Variants in RPL9 observed in about 807,000 individuals in gnomAD.
The protein encoded by RPL9 is large ribosomal subunit protein uL6.
For synonymous variants in RPL9, 82 were observed against 77.1 expected (o/e 1.06, Z -0.33); for missense variants, 149 against 236.7 (o/e 0.63, Z 2.43).
At chr4:39,458,026 T>C in intron 3 of RPL9, 168 bp downstream of exon 3, 1 of 748,174 alleles carries the variant, frequency 1.3e-6, no homozygotes, top group Admixed American at 2.0e-5. Context: ...ATTGGCTGTG[T>C]TCAGAATCTG....
intron 5 of RPL9, 125 bp downstream of exon 5, chr4:39,456,281 A>G (rs764695011): frequency 1.3e-5 from 13 of 1,015,836 alleles, no homozygotes. Context: ...TTCTAAAACA[A>G]ATCTGGTTTT....
At chr4:39,458,827 A>C (rs1322251133) in intron 1 of RPL9, 64 bp downstream of exon 1, 1 of 690,528 alleles carries the variant, frequency 1.4e-6, no homozygotes. Flanking sequence ...GCCGCGCCGC[A>C]GCCTTTCCCA....
Position 39,454,846 on chromosome 4 carries a change from C to T in RPL9, c.472+18G>A, listed in dbSNP as rs201085599. On this transcript the variant is annotated intron_variant, in intron 6 of 7. Transcript: ENST00000295955. ...ACAAAATCTTGTAGGCATAGTTAGACATAGTAAACATACAAACCTGAATTT... is the reference window on the plus strand; with the variant it reads ...ACAAAATCTTGTAGGCATAGTTAGATATAGTAAACATACAAACCTGAATTT... The T allele has an allele frequency of 2.5e-6, 4 of 1,609,616 alleles. No homozygotes were observed. The highest frequency in any genetic ancestry group is 3.4e-6 in the Non-Finnish European group (4 of 1,177,040).
intron 5 of RPL9, among the ~76,000 whole-genome samples, chr4:39,455,526 C>CA (rs1303859550): frequency 1.3e-5 from 2 of 151,474 alleles, no homozygotes; most frequent in East Asian, 2.0e-4. Context: ...CCTGCCTCTA[C>CA]AAAAAACTTA....
chr4:39,458,382 C>T lies in RPL9; in HGVS notation c.46+12G>A, dbSNP rs752841497. 1.2e-6 allele frequency: 2 copies of T among 1,614,118 alleles called. No homozygotes were observed. The highest frequency in any genetic ancestry group is 2.2e-5 in the South Asian group (2 of 91,086). The stretch of plus-strand genomic sequence containing the variant: ...CAGTAAAGATGTAAGTAAAAGACAT[C>T]AAGTCTCATACCATTTTCTGGAATG... On this transcript the variant is annotated intron_variant, in intron 2 of 7. Transcript: ENST00000295955.
chr4:39,458,602 GA>G, intron 1 of RPL9, 162 bp from the exon 2 acceptor site: 1 of 699,216 alleles, frequency 1.4e-6, no homozygotes, highest in African/African-American at 1.8e-5. Flanking sequence ...TCCCAGCCTG[GA>G]AGGAGCAGCC....
intron 7 of RPL9, 138 bp from the exon 8 acceptor site, chr4:39,454,363 C>T (rs756430165): frequency 8.6e-6 from 5 of 583,998 alleles, no homozygotes; most frequent in Admixed American, 3.3e-5. Flanking sequence ...GTAAACTATA[C>T]GTAGTAAAAT....
intron 5 of RPL9, chr4:39,455,257 A>C (rs569081520): frequency 8.8e-5 from 19 of 215,842 alleles, no homozygotes; most frequent in African/African-American, 4.2e-4. Context: ...CTGAGGCAGG[A>C]GAATCGCTTG....
chr4:39,458,500 C>A, intron 1 of RPL9, 60 bp from the exon 2 acceptor site: 1 of 1,557,738 alleles, frequency 6.4e-7, no homozygotes, highest in Non-Finnish European at 8.8e-7. Context: ...CCAAACTACG[C>A]CGCACAGAGC....
chr4:39,458,851 C>A (rs1379336341), intron 1 of RPL9, 40 bp downstream of exon 1: 1 of 695,820 alleles, frequency 1.4e-6, no homozygotes, highest in East Asian at 2.7e-5. Flanking sequence ...CAGATGGTTT[C>A]AGATTCCCAG....
intron 2 of RPL9, 27 bp downstream of exon 2, chr4:39,458,367 G>A (rs191123038): frequency 1.5e-4 from 242 of 1,613,954 alleles, no homozygotes; most frequent in Non-Finnish European, 1.9e-4. Context: ...CAGTAAAGAT[G>A]TAAGTAAAAG....
Position 39,454,539 on chromosome 4 carries a change from G to T in RPL9, c.*4C>A. 6.2e-7 allele frequency: 1 copy of T among 1,604,710 alleles called. No homozygotes were observed. Among genetic ancestry groups the T allele is most frequent in the Non-Finnish European group, 8.5e-7 (1 of 1,174,324 alleles). The stretch of plus-strand genomic sequence containing the variant: ...AGACACTGTAAGAACTTACCTCTTA[G>T]ATCTTATTCATCAGCCTGCTGAACA... On this transcript the variant is annotated 3_prime_UTR_variant, in exon 7 of 8. Coordinates refer to ENST00000295955, the MANE Select transcript of RPL9 (RefSeq NM_000661.5).
At chr4:39,457,517 AC>A in intron 4 of RPL9, 68 bp downstream of exon 4, 1 of 1,259,274 alleles carries the variant, frequency 7.9e-7, no homozygotes, top group South Asian at 1.2e-5. Flanking sequence ...AGAGACACTT[AC>A]GCTGTATAAA....
At chr4:39,456,358 A>C (rs1260964339) in intron 5 of RPL9, 48 bp downstream of exon 5, 3 of 1,612,072 alleles carry the variant, frequency 1.9e-6, no homozygotes, top group East Asian at 2.2e-5. Context: ...AGGAGGAAAA[A>C]AATATGAAGG....
chr4:39,455,027 A>C, intron 5 of RPL9, 83 bp from the exon 6 acceptor site: 1 of 1,331,996 alleles, frequency 7.5e-7, no homozygotes, highest in Non-Finnish European at 1.0e-6. Flanking sequence ...TATTCCATGT[A>C]AAACTCCATG....
chr4:39,454,689 AC>A, intron 6 of RPL9, 40 bp from the exon 7 acceptor site: 1 of 1,550,202 alleles, frequency 6.5e-7, no homozygotes, highest in Non-Finnish European at 8.8e-7. Context: ...CATCAGCCTA[AC>A]CCATCTTAAA....
intron 5 of RPL9, 139 bp downstream of exon 5, chr4:39,456,267 A>C: frequency 1.1e-6 from 1 of 890,442 alleles, no homozygotes; most frequent in African/African-American, 1.7e-5. Context: ...TAATCAAGAG[A>C]TAATTCTAAA....
At chr4:39,458,817 G>A (rs1744250442) in intron 1 of RPL9, 74 bp downstream of exon 1, 10 of 688,604 alleles carry the variant, frequency 1.5e-5, no homozygotes, top group Non-Finnish European at 2.7e-5. Context: ...GAGAGTGGGA[G>A]CCGCGCCGCA....
At position 39,455,031 on chromosome 4, in the gene RPL9, C is replaced by T. The variant is rs542083274; in HGVS notation, c.392-87G>A. ...AGGCACTAATTTATTCCATGTAAAA[C>T]TCCATGCACCAAAAGAACCTTTTCT... On this transcript the variant is annotated intron_variant, in intron 5 of 7. Coordinates refer to ENST00000295955, the MANE Select transcript of RPL9 (RefSeq NM_000661.5). The T allele has an allele frequency of 4.7e-5, 60 of 1,283,616 alleles. No homozygotes were observed. In the African/African-American group the frequency reaches 6.7e-4, roughly 14 times the overall value. 79.5% of individuals were successfully genotyped at this position (1,283,616 alleles called of 1,614,324 possible).
Sources: allele counts gnomAD v4.1 joint callset (sites outside exome capture counted in the v4.1 genomes callset), GRCh38; gene constraint gnomAD v4.1.1; transcripts MANE v1.5; gene names NCBI Gene and HGNC (gene_info 2026-07-23, HGNC 2026-07-21).